The following ZBTB14 variants were observed in gnomAD, a reference collection of about 807,000 sequenced individuals.
The protein encoded by ZBTB14 is zinc finger and BTB domain-containing protein 14.
A neutral mutation model predicts 29.5 loss-of-function variants in ZBTB14; 8 were observed. The ratio of observed to expected loss-of-function variants is 0.27; its 90% CI spans 0.16 to 0.49. ZBTB14 has a LOEUF of 0.49. Ranked by LOEUF, ZBTB14 falls within the 20% of genes least tolerant of loss-of-function variation. The probability of loss-of-function intolerance (pLI) is 0.99; values close to 1 mark genes in which losing one functional copy is unlikely to be tolerated. For synonymous variants in ZBTB14, 226 were observed against 207.2 expected (o/e 1.09, Z -0.78); for missense variants, 333 against 563.8 (o/e 0.59, Z 4.15).
intron 3 of ZBTB14, among the ~76,000 whole-genome samples, chr18:5,292,870 G>A (rs1255392858): frequency 6.6e-6 from 1 of 152,176 alleles, no homozygotes; most frequent in African/African-American, 2.4e-5. Flanking sequence ...CTAAATGAAG[G>A]TCAAGGTTTA....
chr18:5,295,780 C>G (rs2071947566), upstream of ZBTB14: 1 of 152,458 alleles, frequency 6.6e-6, no homozygotes, highest in Non-Finnish European at 1.5e-5. Flanking sequence ...TGCGGACGGC[C>G]CCAGCCCCTT....
Position 5,292,178 on chromosome 18 carries a change from G to A in ZBTB14, c.30C>T (p.Thr10=), listed in dbSNP as rs1360766288. The change falls in exon 4 of 4, where the codon ACC becomes ACT. Residue 10 remains threonine, a synonymous_variant. Transcript: ENST00000651870. MEFFISMSE[T]IKYNDDDHKT... ...TATGATCATCGTCATTATATTTAAT[G>A]GTTTCAGACATACTGATGAAAAACT... The A allele has an allele frequency of 6.4e-7, 1 of 1,561,942 alleles. No individual in the cohort carries two copies. The highest frequency in any genetic ancestry group is 8.6e-7 in the Non-Finnish European group (1 of 1,169,334).
chr18:5,293,799 T>C (rs2071874782), intron 2 of ZBTB14, among the ~76,000 whole-genome samples, 173 bp downstream of exon 2: 1 of 152,126 alleles, frequency 6.6e-6, no homozygotes, highest in Non-Finnish European at 1.5e-5. Context: ...ACCCAACAGG[T>C]AACATGGGAG....
At position 5,289,281 on chromosome 18, in the gene ZBTB14, G is replaced by A. The variant is rs2071760602; in HGVS notation, c.*1577C>T. 6.6e-6 allele frequency: 1 copy of A among 151,960 alleles called. No homozygotes were observed. The highest frequency in any genetic ancestry group is 1.5e-5 in the Non-Finnish European group (1 of 68,000). 9.4% of individuals were successfully genotyped at this position (151,960 alleles called of 1,614,324 possible). A position where few individuals can be genotyped will look rare whatever the true frequency, so the allele number is the denominator to read the frequency against. ...TACCAATAACTAAAATTTTTAAAAA[G>A]GTAGCATCTTCATCCTAACATCTTG... On this transcript the variant is annotated 3_prime_UTR_variant, in exon 4 of 4. Transcript: ENST00000651870.
upstream of ZBTB14, chr18:5,297,015 G>C (rs1283398359): frequency 6.6e-6 from 1 of 152,106 alleles, no homozygotes; most frequent in Non-Finnish European, 1.5e-5. Flanking sequence ...TGCTCACCGA[G>C]ATGCAGGAGG....
upstream of ZBTB14, among the ~76,000 whole-genome samples, chr18:5,296,450 TGCATGTGCGTGG>T (rs2071970018): frequency 6.7e-6 from 1 of 149,202 alleles, no homozygotes; most frequent in Non-Finnish European, 1.5e-5. Flanking sequence ...CCCGTGCGTG[TGCATGTGCGTGG>T]GCCAGAGCCT....
Position 5,290,659 on chromosome 18 carries a change from A to G in ZBTB14, c.*199T>C, listed in dbSNP as rs555398491. 3.2e-4 allele frequency: 227 copies of G among 713,696 alleles called. 3 individuals carry two copies. The South Asian group carries it at 4.1e-3, about 13-fold the overall frequency. The allele number at this position is 713,696 out of a possible 1,614,324, so 44.2% of individuals were successfully genotyped here. ...ATTAATACTAGACACCAGACAAGAC[A>G]GTGAAACGGTTTGGTCAGAACTGAG... On this transcript the variant is annotated 3_prime_UTR_variant, in exon 4 of 4. Coordinates refer to ENST00000651870, the MANE Select transcript of ZBTB14 (RefSeq NM_001243702.2).
intron 2 of ZBTB14, chr18:5,293,544 C>G: frequency 3.2e-6 from 1 of 312,992 alleles, no homozygotes; most frequent in Non-Finnish European, 5.9e-6. Flanking sequence ...CATAAAGGGG[C>G]TGTGCCCTAG....
At chr18:5,292,473 T>C (rs1174711783) in intron 3 of ZBTB14, among the ~76,000 whole-genome samples, 1 of 152,234 alleles carries the variant, frequency 6.6e-6, no homozygotes, top group African/African-American at 2.4e-5. Flanking sequence ...ATTAATTTAA[T>C]ATTCAGGTAA....
rs576839347 is a variant in ZBTB14, at chr18:5,291,377, A to C, written c.831T>G (p.Ile277Met). ...YLLYGHHREQ[I>M]ACQACGKTFS... ...ACGTCTTCCCACACGCCTGGCAGGC[A>C]ATCTGCTCCCGATGGTGACCATAAA... The change falls in exon 4 of 4, where the codon ATT (isoleucine) becomes ATG (methionine). Residue 277 changes from isoleucine (I) to methionine (M), a missense_variant. Around this residue, in one of 3 missense-constraint regions of ZBTB14, gnomAD observed 140 missense variants for 274.6 expected, o/e 0.51. Coordinates refer to ENST00000651870, the MANE Select transcript of ZBTB14 (RefSeq NM_001243702.2). This position sits in a 1 kb window ranked among gnomAD's most constrained non-coding sequence, Gnocchi z 5.8. The C allele has an allele frequency of 1.2e-6, 2 of 1,614,230 alleles. No individual in the cohort carries two copies. Among genetic ancestry groups the C allele is most frequent in the Admixed American group, 3.3e-5 (2 of 60,026 alleles).
chr18:5,295,141 G>A (rs1170368324), intron 1 of ZBTB14, among the ~76,000 whole-genome samples: 1 of 146,118 alleles, frequency 6.8e-6, no homozygotes. Flanking sequence ...CGGCGGCCCC[G>A]GCGGCGCGAC....
intron 3 of ZBTB14, among the ~76,000 whole-genome samples, chr18:5,292,942 T>C (rs1255708838): frequency 6.6e-6 from 1 of 152,170 alleles, no homozygotes; most frequent in Admixed American, 6.5e-5. Flanking sequence ...TAGATGCCAA[T>C]CTACCTGCAT....
upstream of ZBTB14, chr18:5,295,729 C>T (rs1018146631): frequency 6.6e-6 from 1 of 151,156 alleles, no homozygotes. Context: ...GCGCGTCTTC[C>T]GGGCCGCCCC....
intron 1 of ZBTB14, 141 bp downstream of exon 1, chr18:5,295,511 C>T (rs956768542): frequency 2.1e-5 from 3 of 144,554 alleles, no homozygotes; most frequent in East Asian, 4.1e-4. Context: ...CGGCCATGAA[C>T]TCGGCCGCCG....
At chr18:5,293,382 C>A in intron 2 of ZBTB14, 55 bp from the exon 3 acceptor site, 1 of 903,152 alleles carries the variant, frequency 1.1e-6, no homozygotes, top group East Asian at 2.6e-5. Flanking sequence ...ATCCCAAATC[C>A]TAAACCAAGA....
In ZBTB14 at chr18:5,291,660, G is replaced by T. The variant is rs758310921; in HGVS notation, c.548C>A (p.Pro183Gln). 1 of 1,614,004 alleles carries T rather than the reference G, an allele frequency of 6.2e-7. No individual in the cohort carries two copies. The highest frequency in any genetic ancestry group is 8.5e-7 in the Non-Finnish European group (1 of 1,180,030). ...PSDDTVEGTP[P>Q]SQEDGKSPTT... ...GGGCGACTTGCCGTCCTCCTGACTC[G>T]GGGGTGTGCCTTCTACTGTGTCATC... The change falls in exon 4 of 4, where the codon CCG becomes CAG. Residue 183 changes from proline to glutamine, a missense_variant. Around this residue, in one of 3 missense-constraint regions of ZBTB14, gnomAD observed 126 missense variants for 132.2 expected, o/e 0.95. Transcript: ENST00000651870. The surrounding 1 kb of genome is among the most constrained non-coding windows in gnomAD (Gnocchi z 5.8).
rs1005843004 is a variant in ZBTB14 at position 5,293,953 on chromosome 18, T to C, written c.-82+19A>G. On this transcript the variant is annotated intron_variant, in intron 2 of 3. Transcript: ENST00000651870. ...AAGGGTGAAAGAATTTCAGCTTTTTTGTGAGTTTTAACTCTTACCGGAAGA... is the reference window on the plus strand; with the variant it reads ...AAGGGTGAAAGAATTTCAGCTTTTTCGTGAGTTTTAACTCTTACCGGAAGA... 1 of 152,262 alleles carries C rather than the reference T, an allele frequency of 6.6e-6. No individual in the cohort carries two copies. Among genetic ancestry groups the C allele is most frequent in the African/African-American group, 2.4e-5 (1 of 41,460 alleles). The allele number at this position is 152,262 out of a possible 1,614,324, so 9.4% of individuals were successfully genotyped here.
Position 5,290,610 on chromosome 18 carries a change from GGA to G in ZBTB14, c.*246_*247del. 1 of 340,072 alleles carries G rather than the reference GGA, an allele frequency of 2.9e-6. No homozygotes were observed. Among genetic ancestry groups the G allele is most frequent in the South Asian group, 5.2e-5 (1 of 19,084 alleles). 21.1% of individuals were successfully genotyped at this position (340,072 alleles called of 1,614,324 possible). On this transcript the variant is annotated 3_prime_UTR_variant, in exon 4 of 4. Transcript: ENST00000651870. ...AATTAAAATAATAAAAAAAAAAAAGGGAGAGAGGTGCTTACTGGGCAACATTA... is the reference window on the plus strand; with the variant it reads ...AATTAAAATAATAAAAAAAAAAAAGGGAGAGGTGCTTACTGGGCAACATTA...
upstream of ZBTB14, chr18:5,295,965 G>C (rs2143280102): frequency 6.6e-6 from 1 of 151,722 alleles, no homozygotes; most frequent in East Asian, 2.0e-4. Context: ...GGCGGGGTGG[G>C]GGAAATCGTG....
Sources: allele counts gnomAD v4.1 joint callset (sites outside exome capture counted in the v4.1 genomes callset), GRCh38; gene constraint gnomAD v4.1.1; regional missense constraint gnomAD v4.1.1; non-coding constraint Gnocchi (gnomAD v3.1); transcripts MANE v1.5; gene names NCBI Gene and HGNC (gene_info 2026-07-23, HGNC 2026-07-21).